The following MGAT4C variants were observed in gnomAD, a reference collection of about 807,000 sequenced individuals.
MGAT4C encodes alpha-1,3-mannosyl-glycoprotein 4-beta-N-acetylglucosaminyltransferase C.
Under a neutral mutation model 40.1 loss-of-function variants are expected in MGAT4C, and 19 were observed. The ratio of observed to expected loss-of-function variants is 0.47; its 90% CI spans 0.33 to 0.70. The LOEUF (loss-of-function observed/expected upper bound fraction) is 0.70. Ranked by LOEUF, MGAT4C falls within the 30% of genes least tolerant of loss-of-function variation. MGAT4C has a pLI of 0.02. For missense variants in MGAT4C, 491 were observed against 563.2 expected (o/e 0.87, Z 1.30); for synonymous variants, 181 against 187.1 (o/e 0.97, Z 0.27).
At chr12:86,681,808 C>T (rs1046364665) in intron 2 of MGAT4C, among the ~76,000 whole-genome samples, 1 of 151,970 alleles carries the variant, frequency 6.6e-6, no homozygotes, top group Non-Finnish European at 1.5e-5. Flanking sequence ...CATGAAATAT[C>T]TATTCCCCAT....
intron 2 of MGAT4C, among the ~76,000 whole-genome samples, chr12:86,452,945 C>G (rs1957451299): frequency 6.6e-6 from 1 of 152,116 alleles, no homozygotes; most frequent in South Asian, 2.1e-4. Flanking sequence ...TCTCTCTGAT[C>G]TTGTTCCTCC....
chr12:86,123,329 T>G (rs1879740229), intron 1 of MGAT4C, among the ~76,000 whole-genome samples: 1 of 152,114 alleles, frequency 6.6e-6, no homozygotes. Flanking sequence ...TGATTACTGT[T>G]ATTAAGAGTG....
chr12:85,998,720 A>G (rs1196067495), intron 2 of MGAT4C, among the ~76,000 whole-genome samples: 3 of 152,302 alleles, frequency 2.0e-5, no homozygotes, highest in East Asian at 1.9e-4. Context: ...GACCATCTCA[A>G]TGTGGATTTC....
chr12:86,428,304 A>C (rs941219718), intron 3 of MGAT4C, among the ~76,000 whole-genome samples: 1 of 152,174 alleles, frequency 6.6e-6, no homozygotes, highest in Non-Finnish European at 1.5e-5. Flanking sequence ...TAGGGTTTGA[A>C]CTAAGCCTCT....
intron 1 of MGAT4C, among the ~76,000 whole-genome samples, chr12:86,179,526 T>C (rs931551689): frequency 6.6e-6 from 1 of 152,176 alleles, no homozygotes; most frequent in African/African-American, 2.4e-5. Flanking sequence ...ACTTGTTGAA[T>C]GGCTTTGACA....
At chr12:86,114,667 G>T (rs1878069694) in intron 1 of MGAT4C, among the ~76,000 whole-genome samples, 1 of 151,810 alleles carries the variant, frequency 6.6e-6, no homozygotes, top group Non-Finnish European at 1.5e-5. Flanking sequence ...AAGAAATGCA[G>T]AAATAGTTTC....
intron 2 of MGAT4C, among the ~76,000 whole-genome samples, chr12:86,474,503 T>C (rs1957803941): frequency 6.6e-6 from 1 of 150,936 alleles, no homozygotes; most frequent in Admixed American, 6.6e-5. Flanking sequence ...ACATGTATCC[T>C]AAAACTTAGA....
chr12:86,203,092 A>G (rs1393484222), intron 1 of MGAT4C, among the ~76,000 whole-genome samples: 1 of 151,612 alleles, frequency 6.6e-6, no homozygotes, highest in Admixed American at 6.6e-5. Context: ...AATTCTGCAC[A>G]TGGTCAATGT....
rs556993240 is a variant in MGAT4C at position 86,341,102 on chromosome 12, C to T, written c.-119-6975G>A. On this transcript the variant is annotated intron_variant, in intron 3 of 7. Transcript: ENST00000548651. ...CCTTCAATTGAAACACCCATGTACT[C>T]ACATTGACATTAATCACAGAAACAA... Among the ~76,000 whole-genome samples, 9 of 152,266 alleles carry T rather than the reference C, an allele frequency of 5.9e-5. No individual in the cohort carries two copies. The East Asian group carries it at 1.7e-3, about 29-fold the overall frequency.
intron 2 of MGAT4C, among the ~76,000 whole-genome samples, chr12:86,647,792 C>T (rs145055059): frequency 2.0e-5 from 3 of 152,004 alleles, no homozygotes; most frequent in African/African-American, 4.8e-5. Flanking sequence ...CCCTAATGAA[C>T]GTTTATCAGC....
At chr12:86,622,034 C>A (rs920579908) in intron 2 of MGAT4C, among the ~76,000 whole-genome samples, 18 of 152,188 alleles carry the variant, frequency 1.2e-4, no homozygotes, top group African/African-American at 4.1e-4. Flanking sequence ...CAACTGTAGG[C>A]TAATGTAAGT....
chr12:86,525,011 C>G (rs929049863), intron 2 of MGAT4C, among the ~76,000 whole-genome samples: 6 of 152,084 alleles, frequency 3.9e-5, no homozygotes, highest in Admixed American at 3.9e-4. Flanking sequence ...TTTCAACATA[C>G]TTTTACATCT....
chr12:86,589,649 T>C (rs1471156169), intron 2 of MGAT4C, among the ~76,000 whole-genome samples: 2 of 151,802 alleles, frequency 1.3e-5, no homozygotes, highest in Non-Finnish European at 2.9e-5. Context: ...ACGCAAAAAA[T>C]CCTCAATAAA....
rs73396190 is a variant in MGAT4C, at chr12:86,241,853, A to T, written c.-57+14386T>A. ...AATGCTGACAAGCCTTTAGCTTCATACTCACTACCTGTCTGACTTGGCCCA... is the reference window on the plus strand; with the variant it reads ...AATGCTGACAAGCCTTTAGCTTCATTCTCACTACCTGTCTGACTTGGCCCA... On this transcript the variant is annotated intron_variant, in intron 1 of 4. Transcript: ENST00000611864. 3.5e-3 allele frequency among the ~76,000 whole-genome samples: 536 copies of T among 152,142 alleles called. 3 individuals are homozygous for T. The highest frequency in any genetic ancestry group is 0.013 in the African/African-American group (523 of 41,522).
chr12:86,439,391 A>C (rs1957189919), intron 2 of MGAT4C, among the ~76,000 whole-genome samples: 1 of 151,986 alleles, frequency 6.6e-6, no homozygotes, highest in Non-Finnish European at 1.5e-5. Flanking sequence ...GGTTAACAAT[A>C]AAATCAAGAT....
chr12:86,082,760 A>G (rs1871081409), intron 1 of MGAT4C, among the ~76,000 whole-genome samples: 2 of 152,270 alleles, frequency 1.3e-5, no homozygotes, highest in Admixed American at 6.5e-5. Flanking sequence ...TGGGAAAATA[A>G]TGGAAGGGTT....
intron 1 of MGAT4C, among the ~76,000 whole-genome samples, chr12:86,252,143 A>T (rs1363836542): frequency 6.6e-6 from 1 of 152,046 alleles, no homozygotes; most frequent in Non-Finnish European, 1.5e-5. Flanking sequence ...TTAACCCCTG[A>T]AAAGGGCACA....
intron 3 of MGAT4C, among the ~76,000 whole-genome samples, chr12:86,404,634 G>A (rs1488865003): frequency 6.6e-6 from 1 of 151,960 alleles, no homozygotes; most frequent in African/African-American, 2.4e-5. Flanking sequence ...TGTGATAGAA[G>A]GAATTTATAT....
Position 86,147,567 on chromosome 12 carries a change from T to A in MGAT4C, c.-56-97844A>T, listed in dbSNP as rs567109436. ...ATTAAATGTTTTAACAGTACATTTT[T>A]AAATATTACTTAGGATAGTTTTTCC... is the stretch of plus-strand genomic sequence containing the variant. On this transcript the variant is annotated intron_variant, in intron 1 of 4. Coordinates refer to ENST00000611864, the MANE Select transcript of MGAT4C (RefSeq NM_001351288.2). 2.1e-4 allele frequency among the ~76,000 whole-genome samples: 32 copies of A among 152,350 alleles called. 1 individual carries two copies. The highest frequency in any genetic ancestry group is 6.5e-4 in the African/African-American group (27 of 41,584).
Sources: gnomAD v4.1 joint callset for allele counts (sites outside exome capture counted in the v4.1 genomes callset) on GRCh38, gnomAD v4.1.1 for gene constraint, MANE v1.5 for transcripts, NCBI Gene and HGNC (gene_info 2026-07-23, HGNC 2026-07-21) for gene names.